SLC25A13: variants seen among roughly 807,000 people sequenced by gnomAD.
SLC25A13 encodes electrogenic aspartate/glutamate antiporter SLC25A13, mitochondrial.
In SLC25A13, 70 loss-of-function variants were observed where a neutral mutation model predicts 85.5. The observed-to-expected ratio is 0.82, with a 90% CI of 0.68 to 1.00. The LOEUF (loss-of-function observed/expected upper bound fraction) is 1.00, where lower values mean the gene tolerates loss of function less well. SLC25A13 is among the 50% of genes least tolerant of loss of function. The pLI is 0.00. For synonymous variants in SLC25A13, 259 were observed against 288.7 expected, an observed-to-expected ratio of 0.90 and a Z score of 1.04; for missense variants, 765 against 819.8, an observed-to-expected ratio of 0.93 and a Z score of 0.82.
Position 96,257,142 on chromosome 7 carries a change from A to T in SLC25A13, c.212+20054T>A, listed in dbSNP as rs542434462. On this transcript the variant is annotated intron_variant, in intron 3 of 17. Coordinates refer to ENST00000265631, the MANE Select transcript of SLC25A13 (RefSeq NM_014251.3). ...AGATCTAAAATTGACACTCCATCAC[A>T]ATTAAAAGAACTAGAGAAGCAAGAG... Among the ~76,000 whole-genome samples, 3 of 152,276 alleles carry T rather than the reference A, an allele frequency of 2.0e-5. No homozygotes were observed. In the South Asian group the frequency reaches 6.2e-4, roughly 32 times the overall value.
intron 4 of SLC25A13, among the ~76,000 whole-genome samples, chr7:96,222,260 A>G (rs6972745): frequency 0.99 from 150,025 of 152,274 alleles, 73,943 homozygotes; most frequent in East Asian, 1. Flanking sequence ...TAAAGGGCAA[A>G]ACTGGACCAG....
At chr7:96,283,385 G>A (rs1798759310) in intron 2 of SLC25A13, 6 of 359,432 alleles carry the variant, frequency 1.7e-5, no homozygotes, top group South Asian at 1.3e-4. Context: ...AAGAGGAGAG[G>A]CACTCAATAT....
At chr7:96,227,214 G>C (rs934533134) in intron 4 of SLC25A13, among the ~76,000 whole-genome samples, 1 of 152,132 alleles carries the variant, frequency 6.6e-6, no homozygotes, top group Non-Finnish European at 1.5e-5. Context: ...AAATAACATA[G>C]ATGTGTTCCT....
Position 96,189,569 on chromosome 7 carries a change from A to G in SLC25A13, c.848+12T>C, listed in dbSNP as rs1390733141. The G allele has an allele frequency of 2.5e-6, 4 of 1,595,040 alleles. No homozygotes were observed. The highest frequency in any genetic ancestry group is 3.4e-6 in the Non-Finnish European group (4 of 1,167,772). The stretch of plus-strand genomic sequence containing the variant: ...GCTAATTCCAAAAAAAAAAAAAAAA[A>G]AGCCAACTTACCCCCTTGGCTCATA... On this transcript the variant is annotated intron_variant, in intron 8 of 17. Coordinates refer to ENST00000265631, the MANE Select transcript of SLC25A13 (RefSeq NM_014251.3).
At chr7:96,122,776 A>G (rs1791566990) in intron 15 of SLC25A13, among the ~76,000 whole-genome samples, 1 of 152,246 alleles carries the variant, frequency 6.6e-6, no homozygotes, top group Non-Finnish European at 1.5e-5. Flanking sequence ...ATTTTTCTAC[A>G]GTCACTGTAT....
chr7:96,165,909 A>G (rs921342684), intron 13 of SLC25A13, among the ~76,000 whole-genome samples: 1 of 152,260 alleles, frequency 6.6e-6, no homozygotes, highest in Non-Finnish European at 1.5e-5. Flanking sequence ...AATGTAATGT[A>G]TGAGATGAGT....
intron 11 of SLC25A13, 59 bp downstream of exon 11, chr7:96,184,218 G>A (rs1794532928): frequency 2.5e-6 from 4 of 1,597,572 alleles, no homozygotes; most frequent in Admixed American, 3.3e-5. Context: ...GCACTAAGAT[G>A]AGAAACCAAA....
At chr7:96,272,305 CAG>C (rs975741246) in intron 3 of SLC25A13, among the ~76,000 whole-genome samples, 1 of 152,074 alleles carries the variant, frequency 6.6e-6, no homozygotes, top group Non-Finnish European at 1.5e-5. Flanking sequence ...AAAATTTTCG[CAG>C]AGAGAGACAC....
chr7:96,158,395 G>T (rs1233583983), intron 13 of SLC25A13, among the ~76,000 whole-genome samples: 2 of 152,050 alleles, frequency 1.3e-5, no homozygotes, highest in Non-Finnish European at 2.9e-5. Context: ...TTAATATAGC[G>T]CAATTTCAAC....
chr7:96,121,560 T>C, intron 17 of SLC25A13, 95 bp downstream of exon 17: 6 of 1,445,310 alleles, frequency 4.2e-6, no homozygotes, highest in Non-Finnish European at 5.8e-6. Context: ...ATCTCTTCTA[T>C]TTTATTATAG....
intron 4 of SLC25A13, among the ~76,000 whole-genome samples, chr7:96,233,846 T>C (rs925761543): frequency 6.6e-6 from 1 of 152,190 alleles, no homozygotes; most frequent in Non-Finnish European, 1.5e-5. Flanking sequence ...TTAGAAACTA[T>C]GAATAGAGAC....
In SLC25A13 at chr7:96,257,878, G is replaced by A. The variant is rs139106967; in HGVS notation, c.212+19318C>T. Among the ~76,000 whole-genome samples, 536 of 152,110 alleles carry A rather than the reference G, an allele frequency of 3.5e-3. 3 individuals carry two copies. Among genetic ancestry groups the A allele is most frequent in the Non-Finnish European group, 4.8e-3 (323 of 67,976 alleles). ...AAAGCTTATCTACTATAATCAAGTC[G>A]GCTTCATCCCTGGGATGCAAGGCTG... is the stretch of plus-strand genomic sequence containing the variant. On this transcript the variant is annotated intron_variant, in intron 3 of 17. Coordinates refer to ENST00000265631, the MANE Select transcript of SLC25A13 (RefSeq NM_014251.3).
chr7:96,131,600 T>C, intron 15 of SLC25A13, 143 bp downstream of exon 15: 1 of 1,021,682 alleles, frequency 9.8e-7, no homozygotes, highest in Non-Finnish European at 1.5e-6. Flanking sequence ...CCCTTTTTTT[T>C]CAGTAGCTCT....
At chr7:96,147,006 C>T (rs925440974) in intron 13 of SLC25A13, among the ~76,000 whole-genome samples, 1 of 151,996 alleles carries the variant, frequency 6.6e-6, no homozygotes, top group Non-Finnish European at 1.5e-5. Flanking sequence ...ACTGCCACCA[C>T]AGGACTCAAA....
chr7:96,273,715 T>C (rs1798332721), intron 3 of SLC25A13, among the ~76,000 whole-genome samples: 1 of 152,218 alleles, frequency 6.6e-6, no homozygotes, highest in South Asian at 2.1e-4. Context: ...TATTCTTCTC[T>C]CAACTTTTTT....
intron 17 of SLC25A13, 38 bp downstream of exon 17, chr7:96,121,617 C>T: frequency 8.1e-6 from 13 of 1,598,858 alleles, no homozygotes; most frequent in Admixed American, 1.7e-5. Flanking sequence ...GCATTAGCAG[C>T]AGCCAAAATT....
chr7:96,155,328 T>G (rs542290123), intron 13 of SLC25A13, among the ~76,000 whole-genome samples: 2 of 152,326 alleles, frequency 1.3e-5, no homozygotes, highest in Admixed American at 6.5e-5. Flanking sequence ...TGATTCATTA[T>G]GTATGAAGGA....
chr7:96,223,107 T>C (rs761842566), intron 4 of SLC25A13, among the ~76,000 whole-genome samples: 2 of 152,140 alleles, frequency 1.3e-5, no homozygotes, highest in Non-Finnish European at 2.9e-5. Context: ...AAAGCTCATT[T>C]AGACGAAATA....
At chr7:96,242,764 G>A (rs1203346821) in intron 3 of SLC25A13, among the ~76,000 whole-genome samples, 1 of 152,098 alleles carries the variant, frequency 6.6e-6, no homozygotes, top group Non-Finnish European at 1.5e-5. Context: ...GCCCCACTTC[G>A]AGTTGTCCCA....
Sources: allele counts gnomAD v4.1 joint callset (sites outside exome capture counted in the v4.1 genomes callset), GRCh38; gene constraint gnomAD v4.1.1; transcripts MANE v1.5; gene names NCBI Gene and HGNC (gene_info 2026-07-23, HGNC 2026-07-21).